FAM3D: variants seen among roughly 807,000 people sequenced by gnomAD.
The protein encoded by FAM3D is protein FAM3D.
Under a neutral mutation model 29.8 loss-of-function variants are expected in FAM3D, and 26 were observed. That is an observed-to-expected ratio of 0.87 (90% CI 0.64 to 1.21). The LOEUF is 1.21. FAM3D is among the 50% of genes most tolerant of loss of function. FAM3D has a pLI of 0.00. For synonymous variants in FAM3D, 115 were observed against 102.3 expected, an observed-to-expected ratio of 1.12 and a Z score of -0.75; for missense variants, 253 against 290.9, an observed-to-expected ratio of 0.87 and a Z score of 0.95.
chr3:58,645,552 C>T lies in FAM3D; in HGVS notation c.220G>A (p.Ala74Thr). The T allele has an allele frequency of 1.2e-6, 2 of 1,614,196 alleles. No individual in the cohort carries two copies. The highest frequency in any genetic ancestry group is 1.7e-6 in the Non-Finnish European group (2 of 1,180,024). The change falls in exon 5 of 10, where the codon GCC becomes ACC. Residue 74 changes from alanine (A) to threonine (T), a missense_variant. Ala to Thr is a moderately conservative substitution (Grantham distance 58). Transcript: ENST00000358781. ...NYFAFKICSG[A>T]ANVVGPTMCF... is the part of the protein sequence containing the mutation. ...ATAGTAGGGCCCACGACGTTGGCGG[C>T]CCCACTGCAGATTTTAAACGCAAAG...
chr3:58,649,408 C>A (rs760171410), intron 3 of FAM3D, 70 bp from the exon 4 acceptor site: 2 of 1,549,884 alleles, frequency 1.3e-6, no homozygotes, highest in Non-Finnish European at 1.8e-6. Flanking sequence ...AGGTTGGGGG[C>A]TGGGGGCTGG....
intron 1 of FAM3D, chr3:58,657,825 A>T (rs985230143): frequency 3.9e-5 from 6 of 152,270 alleles, no homozygotes; most frequent in African/African-American, 1.4e-4. Flanking sequence ...GTGGAGCAAG[A>T]ATCCCTCTGT....
intron 4 of FAM3D, among the ~76,000 whole-genome samples, chr3:58,646,783 A>T (rs2066494789): frequency 6.6e-6 from 1 of 152,164 alleles, no homozygotes; most frequent in Non-Finnish European, 1.5e-5. Flanking sequence ...TGGGGCCAGG[A>T]CTTTGTGTTT....
chr3:58,656,273 A>T (rs759047128), intron 1 of FAM3D, among the ~76,000 whole-genome samples: 1 of 152,136 alleles, frequency 6.6e-6, no homozygotes. Context: ...CACAACCCCC[A>T]TGTTAGGGAT....
chr3:58,662,984 C>T (rs1024643335), intron 1 of FAM3D, among the ~76,000 whole-genome samples: 10 of 152,338 alleles, frequency 6.6e-5, no homozygotes, highest in South Asian at 2.1e-4. Flanking sequence ...CTGCAACCTC[C>T]GCCTCCCGAG....
intron 6 of FAM3D, among the ~76,000 whole-genome samples, chr3:58,641,061 G>C (rs1439508640): frequency 1.2e-4 from 18 of 152,228 alleles, no homozygotes; most frequent in Non-Finnish European, 2.4e-4. Context: ...GTGGCGGCCA[G>C]CATAGCTGGA....
rs1484208465 is a variant in FAM3D, at chr3:58,635,502, C to T, written c.585+792G>A. Reference sequence around the variant, plus strand: ...TCCTGTACTCCCACGCCTCCTCTGTCTTGCCGGTTCCCCTGGGTCTGGAGC... The same window carrying T: ...TCCTGTACTCCCACGCCTCCTCTGTTTTGCCGGTTCCCCTGGGTCTGGAGC... On this transcript the variant is annotated intron_variant, in intron 9 of 9. Transcript: ENST00000358781. This position sits in a 1 kb window ranked among gnomAD's most constrained non-coding sequence, Gnocchi z 5.2. 2.6e-5 allele frequency among the ~76,000 whole-genome samples: 4 copies of T among 152,150 alleles called. No individual in the cohort carries two copies. Among genetic ancestry groups the T allele is most frequent in the East Asian group, 3.9e-4 (2 of 5,178 alleles).
Position 58,634,127 on chromosome 3 carries a change from C to G in FAM3D, c.*152G>C. 1 of 634,438 alleles carries G rather than the reference C, an allele frequency of 1.6e-6. No individual in the cohort carries two copies. Among genetic ancestry groups the G allele is most frequent in the Non-Finnish European group, 2.7e-6 (1 of 369,960 alleles). The allele number at this position is 634,438 out of a possible 1,614,324, so 39.3% of individuals were successfully genotyped here. A position where few individuals can be genotyped will look rare whatever the true frequency, so the allele number is the denominator to read the frequency against. ...ATGTGCTGTGGGAGGGTTCTGTTTC[C>G]GAGGAGGAGAGGCGCGACACAGCGT... is the stretch of plus-strand genomic sequence containing the variant. On this transcript the variant is annotated 3_prime_UTR_variant, in exon 10 of 10. Coordinates refer to ENST00000358781, the MANE Select transcript of FAM3D (RefSeq NM_138805.3). The surrounding 1 kb of genome is among the most constrained non-coding windows in gnomAD (Gnocchi z 4.6).
At chr3:58,643,537 G>C (rs1244116359) in intron 6 of FAM3D, 125 bp downstream of exon 6, 9 of 1,055,854 alleles carry the variant, frequency 8.5e-6, no homozygotes, top group Non-Finnish European at 1.3e-5. Flanking sequence ...TTCCCCTCCT[G>C]AGCTCTACGG....
intron 1 of FAM3D, among the ~76,000 whole-genome samples, chr3:58,661,453 G>T (rs2066927455): frequency 6.6e-6 from 1 of 152,200 alleles, no homozygotes; most frequent in Admixed American, 6.5e-5. Flanking sequence ...ATAGGTTTTA[G>T]GGAGACTTTC....
At chr3:58,666,318 C>T (rs2067029616) in intron 1 of FAM3D, among the ~76,000 whole-genome samples, 4 of 152,196 alleles carry the variant, frequency 2.6e-5, no homozygotes, top group Admixed American at 1.3e-4. Context: ...TTTGCCTGAG[C>T]CCGAACCCAG....
At chr3:58,660,780 C>T (rs563329698) in intron 1 of FAM3D, among the ~76,000 whole-genome samples, 11 of 152,270 alleles carry the variant, frequency 7.2e-5, no homozygotes, top group South Asian at 2.1e-4. Context: ...AGACAACAAA[C>T]GCCACATGCC....
chr3:58,638,028 G>T (rs1235634518), intron 7 of FAM3D, among the ~76,000 whole-genome samples: 1 of 152,160 alleles, frequency 6.6e-6, no homozygotes, highest in Non-Finnish European at 1.5e-5. Context: ...GGAATTACAG[G>T]CATGCGCCGC....
At chr3:58,650,521 C>A (rs2066606474) in intron 3 of FAM3D, among the ~76,000 whole-genome samples, 2 of 151,988 alleles carry the variant, frequency 1.3e-5, no homozygotes, top group Admixed American at 1.3e-4. Flanking sequence ...TGGAATGAGG[C>A]CCTAATCTGT....
rs904885806 is a variant in FAM3D at position 58,634,389 on chromosome 3, G to T, written c.586-21C>A. 1.2e-6 allele frequency: 2 copies of T among 1,607,802 alleles called. No homozygotes were observed. Among genetic ancestry groups the T allele is most frequent in the Non-Finnish European group, 8.5e-7 (1 of 1,175,274 alleles). On this transcript the variant is annotated intron_variant, in intron 9 of 9. Transcript: ENST00000358781. This position sits in a 1 kb window ranked among gnomAD's most constrained non-coding sequence, Gnocchi z 4.6. ...AAGAACTAGAGAGAGAGAAGACAGA[G>T]AAATATAGGCAGTGAGTGAGGCTGT...
At chr3:58,643,842 T>G in intron 5 of FAM3D, 122 bp from the exon 6 acceptor site, 2 of 839,318 alleles carry the variant, frequency 2.4e-6, no homozygotes, top group Non-Finnish European at 4.1e-6. Flanking sequence ...GGGAAACACA[T>G]GCAATAACTG....
intron 3 of FAM3D, 75 bp downstream of exon 3, chr3:58,653,599 G>A: frequency 7.3e-7 from 1 of 1,374,240 alleles, no homozygotes. Context: ...GTCACCTAGG[G>A]ATGGAGGGAA....
chr3:58,664,711 C>G (rs972274165), intron 1 of FAM3D, among the ~76,000 whole-genome samples: 8 of 152,236 alleles, frequency 5.3e-5, no homozygotes, highest in African/African-American at 1.7e-4. Context: ...CAGGGTTGCT[C>G]TCCCCACAAC....
chr3:58,642,519 A>G lies in FAM3D; in HGVS notation c.322+1143T>C, dbSNP rs1037542064. The stretch of plus-strand genomic sequence containing the variant: ...TGTCCCAGAAGTGGCCCTTACAGCC[A>G]GTTCTTAGAAAACTCTGTTTTCTAA... On this transcript the variant is annotated intron_variant, in intron 6 of 9. Coordinates refer to ENST00000358781, the MANE Select transcript of FAM3D (RefSeq NM_138805.3). Among the ~76,000 whole-genome samples, 54 of 152,270 alleles carry G rather than the reference A, an allele frequency of 3.5e-4. 1 individual carries two copies. The highest frequency in any genetic ancestry group is 3.3e-3 in the Admixed American group (51 of 15,304).
Sources: gnomAD v4.1 joint callset for allele counts (sites outside exome capture counted in the v4.1 genomes callset) on GRCh38, gnomAD v4.1.1 for gene constraint, Gnocchi (gnomAD v3.1) non-coding constraint, MANE v1.5 for transcripts, NCBI Gene and HGNC (gene_info 2026-07-23, HGNC 2026-07-21) for gene names.